Variants in SPOCK3 observed in about 807,000 individuals in gnomAD.
SPOCK3 encodes the protein SPARC (osteonectin), cwcv and kazal like domains proteoglycan 3, also known as testican-3.
In SPOCK3, 30 loss-of-function variants were observed where a neutral mutation model predicts 56.6. The ratio of observed to expected loss-of-function variants is 0.53; its 90% CI spans 0.40 to 0.72. The LOEUF (loss-of-function observed/expected upper bound fraction) is 0.72, where lower values mean the gene tolerates loss of function less well. Ranked by LOEUF, SPOCK3 falls within the 30% of genes least tolerant of loss-of-function variation. The pLI is 0.00. For missense variants in SPOCK3, 527 were observed against 530.0 expected (o/e 0.99, Z 0.06); for synonymous variants, 196 against 183.3 (o/e 1.07, Z -0.56).
chr4:166,929,336 A>G (rs1739472548), intron 4 of SPOCK3, among the ~76,000 whole-genome samples: 1 of 152,156 alleles, frequency 6.6e-6, no homozygotes, highest in African/African-American at 2.4e-5. Context: ...GATGATTTTC[A>G]TGCATATTCT....
chr4:166,973,399 T>C (rs893870931), intron 4 of SPOCK3, among the ~76,000 whole-genome samples: 18 of 152,118 alleles, frequency 1.2e-4, no homozygotes, highest in African/African-American at 4.1e-4. Context: ...ATATCCATAT[T>C]AAGAAGTGTC....
intron 6 of SPOCK3, among the ~76,000 whole-genome samples, chr4:166,868,455 G>A (rs1469616683): frequency 6.6e-6 from 1 of 151,954 alleles, no homozygotes; most frequent in Admixed American, 6.6e-5. Flanking sequence ...AACACAGTAT[G>A]ACCCTGTCTC....
At chr4:167,222,892 TATAA>T (rs906316328) in intron 2 of SPOCK3, among the ~76,000 whole-genome samples, 1 of 127,976 alleles carries the variant, frequency 7.8e-6, no homozygotes, top group South Asian at 2.3e-4. Context: ...TATATGAATA[TATAA>T]ATATATAAAC....
chr4:166,768,029 T>G (rs1448453071), intron 7 of SPOCK3, among the ~76,000 whole-genome samples: 2 of 151,974 alleles, frequency 1.3e-5, no homozygotes, highest in African/African-American at 4.8e-5. Flanking sequence ...TTTTTTGTTT[T>G]ACATTTGTCT....
intron 2 of SPOCK3, among the ~76,000 whole-genome samples, chr4:167,185,006 T>A (rs1731828636): frequency 1.3e-5 from 2 of 152,294 alleles, no homozygotes; most frequent in Middle Eastern, 3.4e-3. Flanking sequence ...AACAAACAAG[T>A]TGGTTACCTT....
At chr4:166,792,783 T>C (rs1292039640) in intron 6 of SPOCK3, among the ~76,000 whole-genome samples, 13 of 152,126 alleles carry the variant, frequency 8.5e-5, no homozygotes, top group Admixed American at 7.9e-4. Context: ...TTTAATGCTA[T>C]ATATTTGTTA....
chr4:166,928,616 C>T (rs2149991830), intron 4 of SPOCK3, among the ~76,000 whole-genome samples: 2 of 152,268 alleles, frequency 1.3e-5, no homozygotes, highest in Middle Eastern at 6.8e-3. Flanking sequence ...AGATACATGT[C>T]ATTTTAAATT....
At chr4:166,803,392 T>TA (rs1742824380) in intron 6 of SPOCK3, among the ~76,000 whole-genome samples, 3 of 152,044 alleles carry the variant, frequency 2.0e-5, no homozygotes, top group African/African-American at 7.2e-5. Context: ...AATAGATGAG[T>TA]CTCCGAGCAG....
At chr4:167,190,716 G>A (rs551457789) in intron 2 of SPOCK3, among the ~76,000 whole-genome samples, 1 of 145,788 alleles carries the variant, frequency 6.9e-6, no homozygotes, top group Non-Finnish European at 1.5e-5. Flanking sequence ...TTGTTCATAT[G>A]TTTGTTTTCT....
Position 166,735,053 on chromosome 4 carries a change from G to A in SPOCK3, c.1170C>T (p.Gly390=), listed in dbSNP as rs369877338. 1.6e-5 allele frequency: 26 copies of A among 1,601,794 alleles called. No individual in the cohort carries two copies. The highest frequency in any genetic ancestry group is 5.4e-5 in the African/African-American group (4 of 74,258). Residue 390 remains glycine, a synonymous_variant, in exon 11 of 11, where the codon GGC becomes GGT. Transcript: ENST00000357545. The part of the protein sequence containing the change: ...DFEISGDFAS[G]DFHEWTDDED... Reference sequence around the variant, plus strand: ...CATCATCAGTCCATTCATGAAAATCGCCACTAGCAAAATCTCCGGAGATCT... The same window carrying A: ...CATCATCAGTCCATTCATGAAAATCACCACTAGCAAAATCTCCGGAGATCT...
At chr4:167,017,240 C>A (rs912881618) in intron 3 of SPOCK3, among the ~76,000 whole-genome samples, 1 of 152,036 alleles carries the variant, frequency 6.6e-6, no homozygotes, top group African/African-American at 2.4e-5. Flanking sequence ...TTACTGTTAC[C>A]ATTTGTACAG....
intron 3 of SPOCK3, among the ~76,000 whole-genome samples, chr4:167,032,204 G>A (rs187505753): frequency 6.6e-6 from 1 of 152,056 alleles, no homozygotes; most frequent in African/African-American, 2.4e-5. Context: ...GGTAGTATAT[G>A]AAGCAAAGAC....
Position 166,754,687 on chromosome 4 carries a change from C to G in SPOCK3, c.752G>C (p.Gly251Ala), listed in dbSNP as rs965665668. ...TGTATCAAGTCTGTTAAACATCCAG[C>G]CAAGTGAGTCCTTGCAAATTGGCAA... ...SILPICKDSL[G>A]WMFNRLDTNY... The change falls in exon 8 of 11, where the codon GGC (glycine) becomes GCC (alanine). Residue 251 changes from glycine to alanine, a missense_variant. Transcript: ENST00000357545. The G allele has an allele frequency of 6.2e-7, 1 of 1,613,530 alleles. No homozygotes were observed. Among genetic ancestry groups the G allele is most frequent in the Non-Finnish European group, 8.5e-7 (1 of 1,179,684 alleles).
chr4:166,906,322 C>G (rs751010038), intron 5 of SPOCK3, among the ~76,000 whole-genome samples: 1 of 151,978 alleles, frequency 6.6e-6, no homozygotes, highest in Non-Finnish European at 1.5e-5. Flanking sequence ...GATTCTGCAA[C>G]TGGTTGGCCA....
intron 8 of SPOCK3, among the ~76,000 whole-genome samples, chr4:166,751,669 G>T (rs1264222125): frequency 6.6e-6 from 1 of 152,112 alleles, no homozygotes; most frequent in African/African-American, 2.4e-5. Flanking sequence ...AGGTGGAGCT[G>T]AATAAATGTT....
At chr4:167,095,159 T>C (rs1282013665) in intron 2 of SPOCK3, among the ~76,000 whole-genome samples, 1 of 152,104 alleles carries the variant, frequency 6.6e-6, no homozygotes, top group Admixed American at 6.6e-5. Flanking sequence ...GTTAATCTTA[T>C]TCAGAAACAC....
chr4:167,087,780 C>T (rs1370865774), intron 2 of SPOCK3, among the ~76,000 whole-genome samples: 1 of 152,152 alleles, frequency 6.6e-6, no homozygotes, highest in Non-Finnish European at 1.5e-5. Context: ...TACTAGGGAG[C>T]TAAAATGGAC....
chr4:167,033,838 C>A (rs1004232314), intron 3 of SPOCK3, among the ~76,000 whole-genome samples: 3 of 151,984 alleles, frequency 2.0e-5, no homozygotes, highest in African/African-American at 7.2e-5. Context: ...TTTGAATTTA[C>A]TAGATTAAGG....
chr4:166,857,518 G>A (rs1730818585), intron 6 of SPOCK3, among the ~76,000 whole-genome samples: 1 of 152,216 alleles, frequency 6.6e-6, no homozygotes, highest in African/African-American at 2.4e-5. Context: ...AGGTCCCAGT[G>A]TGTCTTGGAC....
Sources: gnomAD v4.1 joint callset for allele counts (sites outside exome capture counted in the v4.1 genomes callset) on GRCh38, gnomAD v4.1.1 for gene constraint, MANE v1.5 for transcripts, NCBI Gene and HGNC (gene_info 2026-07-23, HGNC 2026-07-21) for gene names.